ADAMTSL3: variants seen among roughly 807,000 people sequenced by gnomAD.
ADAMTSL3 encodes the protein ADAMTS like 3, also known as ADAMTS-like protein 3.
In ADAMTSL3, 128 loss-of-function variants were observed where a neutral mutation model predicts 201.7. The ratio of observed to expected loss-of-function variants is 0.63; its 90% confidence interval spans 0.55 to 0.73. ADAMTSL3 has a LOEUF of 0.73. Among genes scored for constraint, ADAMTSL3 ranks in the 30% least tolerant of loss-of-function variants. The pLI is 0.00. For synonymous variants in ADAMTSL3, 738 were observed against 748.4 expected (o/e 0.99, Z 0.23); for missense variants, 1,990 against 2,119.6 (o/e 0.94, Z 1.20).
intron 19 of ADAMTSL3, among the ~76,000 whole-genome samples, chr15:83,949,926 G>A (rs1423594998): frequency 6.6e-6 from 1 of 152,002 alleles, no homozygotes; most frequent in Non-Finnish European, 1.5e-5. Context: ...TTTGTCAGAT[G>A]GGTAATCTTC....
intron 21 of ADAMTSL3, among the ~76,000 whole-genome samples, chr15:83,984,964 A>G (rs2067448275): frequency 6.6e-6 from 1 of 152,236 alleles, no homozygotes; most frequent in Admixed American, 6.5e-5. Flanking sequence ...CTACACTAAA[A>G]CTAGACAAAG....
At chr15:83,861,808 C>T (rs1028408892) in intron 8 of ADAMTSL3, 1 of 152,104 alleles carries the variant, frequency 6.6e-6, no homozygotes, top group African/African-American at 2.4e-5. Flanking sequence ...AGGCTTCAGA[C>T]AATCAAACTA....
intron 20 of ADAMTSL3, among the ~76,000 whole-genome samples, chr15:83,976,902 G>A (rs892374841): frequency 2.0e-5 from 3 of 152,112 alleles, no homozygotes; most frequent in African/African-American, 7.2e-5. Flanking sequence ...GGCAGAAGTT[G>A]ACGCCATTAA....
At chr15:84,026,283 T>C (rs1662081281) in intron 27 of ADAMTSL3, among the ~76,000 whole-genome samples, 1 of 152,132 alleles carries the variant, frequency 6.6e-6, no homozygotes, top group African/African-American at 2.4e-5. Flanking sequence ...AAATAGAAGA[T>C]ATAAAACTAC....
chr15:83,759,351 G>A (rs924960433), intron 3 of ADAMTSL3, among the ~76,000 whole-genome samples: 15 of 151,610 alleles, frequency 9.9e-5, no homozygotes, highest in African/African-American at 1.7e-4. Context: ...TCAGCCTCCC[G>A]AGTAGCTGGG....
intron 25 of ADAMTSL3, among the ~76,000 whole-genome samples, chr15:84,017,347 G>A (rs1347268349): frequency 3.3e-5 from 5 of 152,174 alleles, no homozygotes; most frequent in African/African-American, 9.7e-5. Flanking sequence ...TCGATCTCCT[G>A]ACCTCGTGAT....
At chr15:83,798,330 G>T (rs1485286469) in intron 4 of ADAMTSL3, among the ~76,000 whole-genome samples, 2 of 152,160 alleles carry the variant, frequency 1.3e-5, no homozygotes, top group African/African-American at 4.8e-5. Context: ...GTATCTGAGG[G>T]TAGAAAACAT....
intron 3 of ADAMTSL3, among the ~76,000 whole-genome samples, chr15:83,740,927 G>GA (rs1208400852): frequency 6.6e-6 from 1 of 151,902 alleles, no homozygotes; most frequent in African/African-American, 2.4e-5. Context: ...AATATATGTA[G>GA]AAAAAATTGA....
intron 8 of ADAMTSL3, among the ~76,000 whole-genome samples, chr15:83,866,747 C>G (rs1401837462): frequency 6.6e-6 from 1 of 152,002 alleles, no homozygotes; most frequent in African/African-American, 2.4e-5. Context: ...TATCCTAAAA[C>G]TTAAAGTATA....
chr15:84,036,978 TC>T lies in ADAMTSL3; in HGVS notation c.4962del (p.Cys1655ValfsTer15). 1 of 1,613,928 alleles carries T rather than the reference TC, an allele frequency of 6.2e-7. No homozygotes were observed. Among genetic ancestry groups the T allele is most frequent in the Non-Finnish European group, 8.5e-7 (1 of 1,179,958 alleles). On this transcript the variant is annotated frameshift_variant, in exon 29 of 30. Transcript: ENST00000286744. LOFTEE classifies it high-confidence loss of function. ...TTCCTGGCGGCACTGTCTTGGGCCC[TC>T]CTGTGATAGTACGTACACCTCCCAG... ...PISWRHCLGP[S>X]CDRDCTDTTH...
rs771267205 is a variant in ADAMTSL3 at position 83,913,153 on chromosome 15, G to A, written c.1762G>A (p.Glu588Lys). The A allele has an allele frequency of 5.0e-5, 80 of 1,614,120 alleles. No homozygotes were observed. The Admixed American group carries it at 1.1e-3, about 23-fold the overall frequency. The change falls in exon 16 of 30, where the codon GAG (glutamate) becomes AAG (lysine). Residue 588 changes from glutamate to lysine, a missense_variant. Coordinates refer to ENST00000286744, the MANE Select transcript of ADAMTSL3 (RefSeq NM_207517.3). ...GTGTGGGCCGGGTGTGCAGGTCCGT[G>A]AGGTGAAGTGCCGTGTGCTCCTCAC... Reference protein sequence around the residue: ...TTCGPGVQVREVKCRVLLTFT... With the variant: ...TTCGPGVQVRKVKCRVLLTFT...
intron 16 of ADAMTSL3, among the ~76,000 whole-genome samples, chr15:83,920,572 C>T (rs909936227): frequency 6.6e-6 from 1 of 152,130 alleles, no homozygotes; most frequent in East Asian, 1.9e-4. Flanking sequence ...GTCAAACTAG[C>T]TAACAGCAGA....
intron 9 of ADAMTSL3, among the ~76,000 whole-genome samples, chr15:83,876,867 A>G (rs2065186840): frequency 6.6e-6 from 1 of 152,086 alleles, no homozygotes; most frequent in Non-Finnish European, 1.5e-5. Context: ...ATCTCACCTC[A>G]CTGCAACCTC....
intron 3 of ADAMTSL3, among the ~76,000 whole-genome samples, chr15:83,771,167 C>CT (rs10572931): frequency 2.3e-3 from 307 of 134,346 alleles, no homozygotes; most frequent in Non-Finnish European, 2.5e-3. Context: ...TTTCTGGACT[C>CT]TTTTTTTTTT....
chr15:83,803,216 A>G (rs991888003), intron 4 of ADAMTSL3, among the ~76,000 whole-genome samples: 4 of 152,166 alleles, frequency 2.6e-5, no homozygotes, highest in African/African-American at 7.2e-5. Context: ...TTGAGTGACT[A>G]CCTCTATACT....
chr15:83,932,750 T>C (rs1221452241), intron 17 of ADAMTSL3, among the ~76,000 whole-genome samples: 1 of 152,202 alleles, frequency 6.6e-6, no homozygotes, highest in Admixed American at 6.5e-5. Context: ...GAATGTATCT[T>C]CTACCCAGAC....
chr15:83,700,711 C>T (rs2061762545), intron 2 of ADAMTSL3, among the ~76,000 whole-genome samples: 1 of 152,118 alleles, frequency 6.6e-6, no homozygotes, highest in African/African-American at 2.4e-5. Context: ...GTGCAGTGAG[C>T]TGAAATCACG....
intron 2 of ADAMTSL3, among the ~76,000 whole-genome samples, chr15:83,688,088 T>C (rs1215456890): frequency 6.6e-6 from 1 of 151,960 alleles, no homozygotes; most frequent in Non-Finnish European, 1.5e-5. Context: ...AGGAAAGGAA[T>C]GGATGGAGAA....
At chr15:83,670,973 A>ATAG (rs770915763) in intron 2 of ADAMTSL3, among the ~76,000 whole-genome samples, 9 of 152,206 alleles carry the variant, frequency 5.9e-5, no homozygotes, top group Non-Finnish European at 1.3e-4. Context: ...ATGAGGAAAC[A>ATAG]TAGTAATAGG....
Sources: gnomAD v4.1 joint callset for allele counts (sites outside exome capture counted in the v4.1 genomes callset) on GRCh38, gnomAD v4.1.1 for gene constraint, MANE v1.5 for transcripts, NCBI Gene and HGNC (gene_info 2026-07-23, HGNC 2026-07-21) for gene names.